Variants in SMAD6 observed in about 807,000 individuals in gnomAD.
The protein encoded by SMAD6 is SMAD family member 6.
In SMAD6, 103 loss-of-function variants were observed where a neutral mutation model predicts 39.4. The observed-to-expected ratio is 2.62, with a 90% CI of 2.23 to 3.08. The LOEUF is 3.08. Among genes scored for constraint, SMAD6 ranks in the 30% most tolerant of loss-of-function variants. The pLI is 0.00. For synonymous variants in SMAD6, 445 were observed against 353.3 expected (o/e 1.26, Z -2.91); for missense variants, 1,104 against 742.9 (o/e 1.49, Z -5.65).
chr15:66,707,794 GC>G (rs1893147550), intron 1 of SMAD6: 5 of 152,534 alleles, frequency 3.3e-5, no homozygotes, highest in Admixed American at 3.3e-4. Flanking sequence ...CCCATCCACA[GC>G]CCCTCTTTGG....
At chr15:66,756,649 T>C (rs912637130) in intron 3 of SMAD6, among the ~76,000 whole-genome samples, 3 of 140,224 alleles carry the variant, frequency 2.1e-5, no homozygotes, top group Non-Finnish European at 4.6e-5. Context: ...GAGGGTCCCA[T>C]ACACATGGCA....
chr15:66,705,452 C>T (rs1893090880), intron 1 of SMAD6: 1 of 152,268 alleles, frequency 6.6e-6, no homozygotes, highest in African/African-American at 2.4e-5. Context: ...TCTATGTACT[C>T]TTTTCCCCTT....
In SMAD6 at chr15:66,760,010, C is replaced by T. The variant is rs1401454828; in HGVS notation, c.953-20987C>T. Among the ~76,000 whole-genome samples, 3 of 152,182 alleles carry T rather than the reference C, an allele frequency of 2.0e-5. No homozygotes were observed. The East Asian group carries it at 5.8e-4, about 29-fold the overall frequency. ...CTAGCCCTTCTGCAATCTGGTCAAA[C>T]GAGACCTTTCTGGCCTTGTCTCCTG... On this transcript the variant is annotated intron_variant, in intron 3 of 3. Transcript: ENST00000288840.
chr15:66,754,893 G>A (rs1050835667), intron 3 of SMAD6, among the ~76,000 whole-genome samples: 7 of 152,096 alleles, frequency 4.6e-5, no homozygotes, highest in Non-Finnish European at 1.0e-4. Flanking sequence ...TGGGCTGGGG[G>A]TGCTAATGTG....
intron 2 of SMAD6, among the ~76,000 whole-genome samples, chr15:66,712,542 T>G (rs1473785576): frequency 6.6e-6 from 1 of 152,026 alleles, no homozygotes; most frequent in Non-Finnish European, 1.5e-5. Flanking sequence ...AGCCGGGTGT[T>G]GTGGTACACA....
At chr15:66,759,336 AAGAGAGAGAG>A (rs5813403) in intron 3 of SMAD6, among the ~76,000 whole-genome samples, 2 of 150,304 alleles carry the variant, frequency 1.3e-5, no homozygotes, top group East Asian at 1.9e-4. Context: ...GACAGAGAGG[AAGAGAGAGAG>A]AGAGAGAGAG....
At chr15:66,708,829 T>G (rs1335044716) in intron 1 of SMAD6, 1 of 451,764 alleles carries the variant, frequency 2.2e-6, no homozygotes, top group African/African-American at 2.0e-5. Context: ...AAAAAAAATG[T>G]CTTGTGTTTA....
Position 66,716,467 on chromosome 15 carries a change from C to CTG in SMAD6, c.922_923insGT (p.Ser308CysfsTer232). The CTG allele has an allele frequency of 6.2e-7, 1 of 1,613,710 alleles. No homozygotes were observed. The highest frequency in any genetic ancestry group is 8.5e-7 in the Non-Finnish European group (1 of 1,179,536). Reference sequence around the variant, plus strand: ...CTTACACTGAAACGGAGGCTACCAACTCCCTCATCACTGCTCCGGGTGAAT... The same window carrying CTG: ...CTTACACTGAAACGGAGGCTACCAACTGTCCCTCATCACTGCTCCGGGTGAAT... On this transcript the variant is annotated frameshift_variant, in exon 3 of 4. Coordinates refer to ENST00000288840, the MANE Select transcript of SMAD6 (RefSeq NM_005585.5). LOFTEE classifies it high-confidence loss of function.
chr15:66,764,115 T>C (rs901608421), intron 3 of SMAD6, among the ~76,000 whole-genome samples: 6 of 152,236 alleles, frequency 3.9e-5, no homozygotes, highest in African/African-American at 1.4e-4. Flanking sequence ...GTTTTGTGAT[T>C]TCCAAATACT....
chr15:66,773,153 GAACTTCCCCTTGGAAGCCC>G (rs2140671715), intron 3 of SMAD6, among the ~76,000 whole-genome samples: 1 of 137,584 alleles, frequency 7.3e-6, no homozygotes, highest in East Asian at 2.4e-4. Context: ...GACCGATTAG[GAACTTCCCCTTGGAAGCCC>G]GGCTTCCTCT....
intron 3 of SMAD6, chr15:66,716,946 G>T (rs1212093350): frequency 7.8e-7 from 1 of 1,280,036 alleles, no homozygotes; most frequent in African/African-American, 1.5e-5. Flanking sequence ...GAATGAGCTT[G>T]CAGGGAGGAT....
chr15:66,704,476 T>G (rs1464316677), intron 1 of SMAD6: 4 of 170,408 alleles, frequency 2.3e-5, no homozygotes, highest in African/African-American at 9.5e-5. Flanking sequence ...AGCATTTGTA[T>G]GCACGTGCCC....
Position 66,703,721 on chromosome 15 carries a change from G to T in SMAD6, c.463G>T (p.Gly155Cys), listed in dbSNP as rs781740552. The change falls in exon 1 of 4, where the codon GGC (glycine) becomes TGC (cysteine). Residue 155 changes from glycine (G) to cysteine (C), a missense_variant. Gly to Cys is a radical substitution (Grantham distance 159). Transcript: ENST00000288840. ...CGGGGCGGCCCTGGAGCCGGCGGGC[G>T]GCGGGCGGAGTCGCGAAGCGCGCTC... ...LAGAALEPAG[G>C]GRSREARSRL... is the part of the protein sequence containing the mutation. 1.2e-5 allele frequency: 16 copies of T among 1,348,786 alleles called. No homozygotes were observed. The highest frequency in any genetic ancestry group is 1.5e-5 in the Non-Finnish European group (16 of 1,037,214). 83.6% of individuals were successfully genotyped at this position (1,348,786 alleles called of 1,614,324 possible).
At chr15:66,734,219 C>A (rs1893676350) in intron 3 of SMAD6, among the ~76,000 whole-genome samples, 1 of 152,194 alleles carries the variant, frequency 6.6e-6, no homozygotes, top group African/African-American at 2.4e-5. Context: ...AAGCACTGTG[C>A]TTGGAAATTC....
Position 66,781,252 on chromosome 15 carries a change from A to C in SMAD6, c.1208A>C (p.Tyr403Ser). The stretch of plus-strand genomic sequence containing the variant: ...AAGGAGCCCGACGGCGTGTGGGCCT[A>C]CAACCGCGGCGAGCACCCCATCTTC... ...LSKEPDGVWA[Y>S]NRGEHPIFVN... Residue 403 changes from tyrosine to serine, a missense_variant, in exon 4 of 4, where the codon TAC becomes TCC. By Grantham distance (144) the Tyr-to-Ser change is moderately radical. Transcript: ENST00000288840. 6.2e-7 allele frequency: 1 copy of C among 1,608,382 alleles called. No homozygotes were observed. The highest frequency in any genetic ancestry group is 8.5e-7 in the Non-Finnish European group (1 of 1,179,324).
Position 66,770,381 on chromosome 15 carries a change from A to T in SMAD6, c.953-10616A>T, listed in dbSNP as rs925037630. ...GTAAGGCCGGTGCGGGCACTGGTTT[A>T]TATGTGATCCCAGCAGTTTGGCCAT... On this transcript the variant is annotated intron_variant, in intron 3 of 3. Coordinates refer to ENST00000288840, the MANE Select transcript of SMAD6 (RefSeq NM_005585.5). Among the ~76,000 whole-genome samples the T allele has an allele frequency of 4.6e-5, 7 of 152,236 alleles. No individual in the cohort carries two copies. The East Asian group carries it at 1.4e-3, about 29-fold the overall frequency.
chr15:66,722,455 G>A (rs1424485363), intron 3 of SMAD6, among the ~76,000 whole-genome samples: 4 of 152,220 alleles, frequency 2.6e-5, no homozygotes, highest in Admixed American at 2.0e-4. Flanking sequence ...TTTAAGAGGT[G>A]GCCCTCAGGC....
At chr15:66,754,533 C>T (rs899161905) in intron 3 of SMAD6, among the ~76,000 whole-genome samples, 2 of 152,108 alleles carry the variant, frequency 1.3e-5, no homozygotes, top group East Asian at 1.9e-4. Flanking sequence ...TGATACTATG[C>T]GGTGGATAGG....
chr15:66,780,970 G>A, intron 3 of SMAD6, 27 bp from the exon 4 acceptor site: 2 of 1,524,692 alleles, frequency 1.3e-6, no homozygotes, highest in Non-Finnish European at 1.8e-6. Context: ...CCAGAATAAC[G>A]CGGCGGTCCC....
Sources: allele counts gnomAD v4.1 joint callset (sites outside exome capture counted in the v4.1 genomes callset), GRCh38; gene constraint gnomAD v4.1.1; transcripts MANE v1.5; gene names NCBI Gene and HGNC (gene_info 2026-07-23, HGNC 2026-07-21).